TENM4: variants seen among roughly 807,000 people sequenced by gnomAD.
TENM4 encodes teneurin-4.
A neutral mutation model predicts 243.3 loss-of-function variants in TENM4; 82 were observed. The observed-to-expected ratio is 0.34, with a 90% CI of 0.28 to 0.40. The LOEUF is 0.40. TENM4 is among the 10% of genes least tolerant of loss of function. TENM4 has a pLI of 1.00. For missense variants in TENM4, 3,138 were observed against 3,673.3 expected (o/e 0.85, Z 3.77); for synonymous variants, 1,412 against 1,456.3 (o/e 0.97, Z 0.69).
intron 6 of TENM4, among the ~76,000 whole-genome samples, chr11:78,934,390 G>A (rs1448580983): frequency 8.6e-6 from 1 of 115,808 alleles, no homozygotes; most frequent in Non-Finnish European, 2.1e-5. Context: ...GATGAGCGAA[G>A]GATTCTCAGG....
intron 15 of TENM4, among the ~76,000 whole-genome samples, chr11:78,800,112 C>T (rs1461822821): frequency 6.6e-6 from 1 of 152,168 alleles, no homozygotes; most frequent in Non-Finnish European, 1.5e-5. Context: ...GAAAGGTGAG[C>T]CTTTCCAATT....
At chr11:79,069,700 G>A (rs1280179072) in intron 5 of TENM4, 22 bp downstream of exon 5, 6 of 1,536,796 alleles carry the variant, frequency 3.9e-6, no homozygotes, top group Admixed American at 4.0e-5. Context: ...CCTGAGGCCC[G>A]CCCCCTCGGC....
At chr11:79,352,649 G>A (rs1857433540) in intron 1 of TENM4, among the ~76,000 whole-genome samples, 1 of 152,218 alleles carries the variant, frequency 6.6e-6, no homozygotes, top group South Asian at 2.1e-4. Flanking sequence ...GAGGCAAGGG[G>A]AAAATTCTGC....
intron 6 of TENM4, among the ~76,000 whole-genome samples, chr11:79,027,184 C>T (rs1269190867): frequency 1.3e-5 from 2 of 152,146 alleles, no homozygotes; most frequent in African/African-American, 4.8e-5. Context: ...GAGGATAGGG[C>T]AGAAAATGCT....
intron 6 of TENM4, among the ~76,000 whole-genome samples, chr11:79,039,679 T>C (rs1164724845): frequency 2.6e-5 from 4 of 152,160 alleles, no homozygotes; most frequent in African/African-American, 7.2e-5. Context: ...AAATACCTAA[T>C]ACATGTGGGG....
chr11:79,032,161 CT>C (rs1373906238), intron 6 of TENM4, among the ~76,000 whole-genome samples: 1 of 152,126 alleles, frequency 6.6e-6, no homozygotes, highest in Non-Finnish European at 1.5e-5. Flanking sequence ...ACTTTTGTTC[CT>C]TAAAACTGAT....
At chr11:79,368,858 CA>C (rs2135505158) in intron 1 of TENM4, among the ~76,000 whole-genome samples, 1 of 152,354 alleles carries the variant, frequency 6.6e-6, no homozygotes, top group Non-Finnish European at 1.5e-5. Context: ...CACATAACAA[CA>C]GCTGTCTCGC....
At chr11:79,237,870 T>C (rs1864509351) in intron 2 of TENM4, among the ~76,000 whole-genome samples, 1 of 152,110 alleles carries the variant, frequency 6.6e-6, no homozygotes, top group Admixed American at 6.5e-5. Context: ...GACTTCCAGA[T>C]AATCAAAGTT....
intron 1 of TENM4, among the ~76,000 whole-genome samples, chr11:79,421,690 C>T (rs1406535460): frequency 1.3e-5 from 2 of 151,180 alleles, no homozygotes; most frequent in South Asian, 2.1e-4. Flanking sequence ...GTGTAATCTT[C>T]CCTGGCTCTG....
chr11:79,095,853 G>T (rs180755065), intron 4 of TENM4, among the ~76,000 whole-genome samples: 1 of 152,224 alleles, frequency 6.6e-6, no homozygotes, highest in African/African-American at 2.4e-5. Context: ...CTCACAGATA[G>T]TAAGTAGCAG....
At chr11:78,826,978 G>C (rs1258160773) in intron 12 of TENM4, among the ~76,000 whole-genome samples, 2 of 152,168 alleles carry the variant, frequency 1.3e-5, no homozygotes. Context: ...GCCTGGAGCA[G>C]TGTTTTCTAA....
rs535719799 is a variant in TENM4 at position 78,900,838 on chromosome 11, C to T, written c.749+2430G>A. On this transcript the variant is annotated intron_variant, in intron 7 of 33. Coordinates refer to ENST00000278550, the MANE Select transcript of TENM4 (RefSeq NM_001098816.3). ...AGTCTGCCAGACTTGATGCTGATCC[C>T]TCCTAAACCGTGCCTTGTTAGTTTT... is the stretch of plus-strand genomic sequence containing the variant. Among the ~76,000 whole-genome samples, 28 of 152,302 alleles carry T rather than the reference C, an allele frequency of 1.8e-4. No individual in the cohort carries two copies. The Middle Eastern group carries it at 0.017, about 93-fold the overall frequency.
intron 6 of TENM4, among the ~76,000 whole-genome samples, chr11:78,907,248 T>TC (rs1463304199): frequency 1.3e-5 from 2 of 149,532 alleles, no homozygotes; most frequent in African/African-American, 4.9e-5. Flanking sequence ...GGACTCCTTT[T>TC]TTTTTTTTTT....
chr11:78,747,635 C>A (rs1294243779), intron 19 of TENM4, among the ~76,000 whole-genome samples: 2 of 152,170 alleles, frequency 1.3e-5, no homozygotes, highest in Non-Finnish European at 2.9e-5. Context: ...CGCATCCCTC[C>A]CTGTCAAGCC....
intron 1 of TENM4, among the ~76,000 whole-genome samples, chr11:79,368,949 C>G (rs1271065129): frequency 6.6e-6 from 1 of 152,110 alleles, no homozygotes; most frequent in East Asian, 1.9e-4. Context: ...TAGTTTTCTC[C>G]CTTTTCTTTC....
At chr11:78,835,648 T>G (rs1362164665) in intron 12 of TENM4, among the ~76,000 whole-genome samples, 1 of 152,244 alleles carries the variant, frequency 6.6e-6, no homozygotes, top group African/African-American at 2.4e-5. Flanking sequence ...AGGCCTCTGT[T>G]TTAAACCGAT....
At chr11:78,839,248 TGACATA>T (rs1157492628) in intron 12 of TENM4, among the ~76,000 whole-genome samples, 1 of 152,212 alleles carries the variant, frequency 6.6e-6, no homozygotes, top group African/African-American at 2.4e-5. Context: ...ACTTATAAAT[TGACATA>T]TTTAGAGTAT....
intron 4 of TENM4, among the ~76,000 whole-genome samples, chr11:79,084,900 A>G (rs1407138217): frequency 5.3e-5 from 8 of 152,228 alleles, no homozygotes; most frequent in Non-Finnish European, 1.2e-4. Context: ...GGGAATCTGA[A>G]TAAGATGAGT....
intron 3 of TENM4, among the ~76,000 whole-genome samples, chr11:79,176,789 A>T (rs1441463292): frequency 6.6e-6 from 1 of 152,228 alleles, no homozygotes; most frequent in African/African-American, 2.4e-5. Flanking sequence ...GGTATTTAGC[A>T]CATGTAAATA....
Sources: gnomAD v4.1 joint callset for allele counts (sites outside exome capture counted in the v4.1 genomes callset) on GRCh38, gnomAD v4.1.1 for gene constraint, MANE v1.5 for transcripts, NCBI Gene and HGNC (gene_info 2026-07-23, HGNC 2026-07-21) for gene names.